LRCH1: variants seen among roughly 807,000 people sequenced by gnomAD.
The protein encoded by LRCH1 is leucine-rich repeat and calponin homology domain-containing protein 1.
LRCH1 carries 23 observed loss-of-function variants against 94.9 expected under a neutral mutation model. The observed-to-expected ratio is 0.24, with a 90% CI of 0.17 to 0.34. The LOEUF (loss-of-function observed/expected upper bound fraction) is 0.34. LRCH1 is among the 10% of genes least tolerant of loss of function. LRCH1 has a pLI of 1.00. For missense variants in LRCH1, 790 were observed against 945.9 expected, an observed-to-expected ratio of 0.84 and a Z score of 2.16; for synonymous variants, 364 against 354.9, an observed-to-expected ratio of 1.03 and a Z score of -0.29.
intron 1 of LRCH1, among the ~76,000 whole-genome samples, chr13:46,608,957 T>A (rs2050717606): frequency 6.6e-6 from 1 of 152,184 alleles, no homozygotes; most frequent in Admixed American, 6.5e-5. Flanking sequence ...CACTTGCTCA[T>A]CTCATGAGGG....
chr13:46,588,939 A>AT (rs1179921692), intron 1 of LRCH1, among the ~76,000 whole-genome samples: 1 of 151,900 alleles, frequency 6.6e-6, no homozygotes, highest in Non-Finnish European at 1.5e-5. Flanking sequence ...GTATATGTGT[A>AT]TGTGAAGGTA....
At position 46,723,350 on chromosome 13, in the gene LRCH1, T is replaced by C. The variant is rs762346613; in HGVS notation, c.1869+20T>C. 2.7e-6 allele frequency: 4 copies of C among 1,469,674 alleles called. No individual in the cohort carries two copies. The highest frequency in any genetic ancestry group is 3.8e-6 in the Non-Finnish European group (4 of 1,053,504). The allele number at this position is 1,469,674 out of a possible 1,614,324, so 91.0% of individuals were successfully genotyped here. On this transcript the variant is annotated intron_variant, in intron 17 of 19. Coordinates refer to ENST00000389797, the MANE Select transcript of LRCH1 (RefSeq NM_001164211.2). The stretch of plus-strand genomic sequence containing the variant: ...CGTGAGGTACCCAAGAAATATTATG[T>C]AACTAAAGGAGAATTTAAGCAACAT...
intron 1 of LRCH1, among the ~76,000 whole-genome samples, chr13:46,571,595 C>T (rs1189712406): frequency 6.6e-6 from 1 of 152,306 alleles, no homozygotes; most frequent in Middle Eastern, 3.4e-3. Context: ...CCAAAGTGCT[C>T]AAGTCACCAT....
intron 1 of LRCH1, among the ~76,000 whole-genome samples, chr13:46,593,626 G>A (rs1366498189): frequency 6.6e-6 from 1 of 152,094 alleles, no homozygotes; most frequent in South Asian, 2.1e-4. Context: ...CTAGTTAACC[G>A]TGGGCAGGTC....
intron 1 of LRCH1, among the ~76,000 whole-genome samples, chr13:46,612,324 G>A (rs1456600614): frequency 6.6e-6 from 1 of 152,126 alleles, no homozygotes; most frequent in African/African-American, 2.4e-5. Context: ...CAATACAAAT[G>A]TATATATTTT....
At chr13:46,565,211 A>G (rs2050169033) in intron 1 of LRCH1, among the ~76,000 whole-genome samples, 1 of 152,244 alleles carries the variant, frequency 6.6e-6, no homozygotes, top group Non-Finnish European at 1.5e-5. Flanking sequence ...AGTCAGTGTT[A>G]TAAGGCACAG....
At chr13:46,700,261 A>G (rs1871394868) in intron 10 of LRCH1, among the ~76,000 whole-genome samples, 1 of 152,094 alleles carries the variant, frequency 6.6e-6, no homozygotes, top group Admixed American at 6.5e-5. Flanking sequence ...CTTAGTGAGG[A>G]TTTATCCCAT....
At chr13:46,640,568 A>ATATTAGGGAC (rs1263484770) in intron 1 of LRCH1, among the ~76,000 whole-genome samples, 2 of 152,116 alleles carry the variant, frequency 1.3e-5, no homozygotes, top group African/African-American at 4.8e-5. Flanking sequence ...TCTGGAGAAA[A>ATATTAGGGAC]TATTAGGGAC....
At chr13:46,693,276 T>G (rs1467875694) in intron 8 of LRCH1, among the ~76,000 whole-genome samples, 1 of 152,224 alleles carries the variant, frequency 6.6e-6, no homozygotes, top group Non-Finnish European at 1.5e-5. Flanking sequence ...GAGTTAGTGA[T>G]TGGCAGACAA....
intron 3 of LRCH1, among the ~76,000 whole-genome samples, chr13:46,679,360 G>C (rs1403074743): frequency 6.6e-6 from 1 of 152,190 alleles, no homozygotes; most frequent in Non-Finnish European, 1.5e-5. Flanking sequence ...TTCATTGAAA[G>C]CATTTGATTG....
At chr13:46,672,971 G>T (rs906865299) in intron 3 of LRCH1, among the ~76,000 whole-genome samples, 2 of 152,238 alleles carry the variant, frequency 1.3e-5, no homozygotes, top group Non-Finnish European at 2.9e-5. Context: ...GAAATATAAT[G>T]TAAGCAGTAA....
intron 1 of LRCH1, among the ~76,000 whole-genome samples, chr13:46,646,117 TC>T (rs1186679092): frequency 1.3e-5 from 2 of 148,298 alleles, no homozygotes; most frequent in African/African-American, 5.3e-5. Context: ...CTATTTAGAT[TC>T]TAAACATTCG....
At chr13:46,618,582 A>G (rs1392761575) in intron 1 of LRCH1, among the ~76,000 whole-genome samples, 3 of 152,256 alleles carry the variant, frequency 2.0e-5, no homozygotes, top group Non-Finnish European at 4.4e-5. Context: ...TTCTTCATTT[A>G]TAGAATTCTT....
At chr13:46,596,108 G>T (rs1470986977) in intron 1 of LRCH1, among the ~76,000 whole-genome samples, 1 of 152,220 alleles carries the variant, frequency 6.6e-6, no homozygotes, top group African/African-American at 2.4e-5. Context: ...AGGAAAGGAG[G>T]AGGAGCTGAG....
At chr13:46,599,200 T>C (rs1173503618) in intron 1 of LRCH1, among the ~76,000 whole-genome samples, 1 of 152,234 alleles carries the variant, frequency 6.6e-6, no homozygotes. Flanking sequence ...CTGATTAATA[T>C]TTAATTGCAT....
Position 46,743,915 on chromosome 13 carries a change from G to A in LRCH1, c.*2067G>A, listed in dbSNP as rs557559966. Reference sequence around the variant, plus strand: ...CTGGCATCCAAAGTATTCTTTGGACGCACTTTGATTTTTTTTGTGTCATTA... The same window carrying A: ...CTGGCATCCAAAGTATTCTTTGGACACACTTTGATTTTTTTTGTGTCATTA... On this transcript the variant is annotated 3_prime_UTR_variant, in exon 20 of 20. Coordinates refer to ENST00000389797, the MANE Select transcript of LRCH1 (RefSeq NM_001164211.2). 9.1e-6 allele frequency: 9 copies of A among 985,218 alleles called. No individual in the cohort carries two copies. In the East Asian group the frequency reaches 3.4e-4, roughly 37 times the overall value. 61.0% of individuals were successfully genotyped at this position (985,218 alleles called of 1,614,324 possible). A position where few individuals can be genotyped will look rare whatever the true frequency, so the allele number is the denominator to read the frequency against.
At chr13:46,607,313 C>G (rs2050698345) in intron 1 of LRCH1, among the ~76,000 whole-genome samples, 2 of 152,164 alleles carry the variant, frequency 1.3e-5, no homozygotes. Flanking sequence ...ACCAAAAAAC[C>G]ACTTACACAA....
intron 1 of LRCH1, among the ~76,000 whole-genome samples, chr13:46,569,769 A>G (rs1022841622): frequency 6.6e-6 from 1 of 152,152 alleles, no homozygotes; most frequent in African/African-American, 2.4e-5. Context: ...CATATGTTCC[A>G]GGTTAAGGCC....
intron 1 of LRCH1, among the ~76,000 whole-genome samples, chr13:46,613,640 G>GC (rs779144202): frequency 2.6e-5 from 4 of 152,156 alleles, no homozygotes; most frequent in Non-Finnish European, 2.9e-5. Context: ...GAATCCAGAT[G>GC]CCTGGGCTCT....
Sources: allele counts gnomAD v4.1 joint callset (sites outside exome capture counted in the v4.1 genomes callset), GRCh38; gene constraint gnomAD v4.1.1; transcripts MANE v1.5; gene names NCBI Gene and HGNC (gene_info 2026-07-23, HGNC 2026-07-21).